The following SLC24A3 variants were observed in gnomAD, a reference collection of about 807,000 sequenced individuals.
SLC24A3 encodes solute carrier family 24 member 3, also known as sodium/potassium/calcium exchanger 3.
SLC24A3 carries 28 observed loss-of-function variants against 75.8 expected under a neutral mutation model. The ratio of observed to expected loss-of-function variants is 0.37; its 90% CI spans 0.27 to 0.51. The LOEUF (loss-of-function observed/expected upper bound fraction) is 0.51. SLC24A3 is among the 20% of genes least tolerant of loss of function. The pLI is 0.94. For synonymous variants in SLC24A3, 372 were observed against 334.1 expected (o/e 1.11, Z -1.24); for missense variants, 663 against 847.8 (o/e 0.78, Z 2.71).
intron 15 of SLC24A3, among the ~76,000 whole-genome samples, chr20:19,708,077 G>C (rs767629): frequency 0.46 from 70,142 of 151,840 alleles, 17,530 homozygotes; most frequent in South Asian, 0.64. Context: ...CAGGGACAGG[G>C]AGAATCAGAA....
intron 2 of SLC24A3, among the ~76,000 whole-genome samples, chr20:19,455,605 T>G (rs1987564897): frequency 6.6e-6 from 1 of 152,196 alleles, no homozygotes; most frequent in African/African-American, 2.4e-5. Context: ...GTATAGTAGA[T>G]AAACCCCAGC....
At chr20:19,531,249 C>T (rs2030293525) in intron 3 of SLC24A3, among the ~76,000 whole-genome samples, 1 of 152,178 alleles carries the variant, frequency 6.6e-6, no homozygotes, top group South Asian at 2.1e-4. Flanking sequence ...GTATTGAGTG[C>T]ATCAGAAGTT....
chr20:19,591,463 C>G (rs2031376386), intron 6 of SLC24A3, among the ~76,000 whole-genome samples: 2 of 151,328 alleles, frequency 1.3e-5, no homozygotes, highest in South Asian at 4.2e-4. Flanking sequence ...TCTTTTATCT[C>G]TAATCTCCTC....
intron 2 of SLC24A3, among the ~76,000 whole-genome samples, chr20:19,368,717 C>T (rs968526772): frequency 1.2e-4 from 18 of 152,210 alleles, no homozygotes; most frequent in Admixed American, 7.9e-4. Context: ...AGCCAAATGA[C>T]GCATTATTTA....
At chr20:19,333,640 TGA>T (rs1376627463) in intron 2 of SLC24A3, among the ~76,000 whole-genome samples, 60 of 150,430 alleles carry the variant, frequency 4.0e-4, no homozygotes, top group African/African-American at 1.1e-3. Flanking sequence ...TGTGTGTGTG[TGA>T]GTGTGTGTGT....
At position 19,688,323 on chromosome 20, in the gene SLC24A3, G is replaced by T. The variant is rs146923425; in HGVS notation, c.1324+2962G>T. Among the ~76,000 whole-genome samples the T allele has an allele frequency of 1.7e-3, 264 of 152,332 alleles. 2 individuals are homozygous for T. Among genetic ancestry groups the T allele is most frequent in the African/African-American group, 6.2e-3 (256 of 41,586 alleles). On this transcript the variant is annotated intron_variant, in intron 12 of 16. Transcript: ENST00000328041. ...TCAGCAATCTTCCCAGTTCTTCTAA[G>T]ATGCGGGAAAGCCTGATTCAGAGCC...
intron 2 of SLC24A3, among the ~76,000 whole-genome samples, chr20:19,350,605 T>C (rs1429157668): frequency 1.3e-5 from 2 of 152,192 alleles, no homozygotes; most frequent in African/African-American, 4.8e-5. Context: ...AATCTTGAGC[T>C]CCAGGGCACC....
rs3790179 is a variant in SLC24A3 at position 19,311,797 on chromosome 20, T to G, written c.271+30710T>G. Among the ~76,000 whole-genome samples the G allele has an allele frequency of 7.2e-5, 11 of 152,304 alleles. No homozygotes were observed. The East Asian group carries it at 2.1e-3, about 29-fold the overall frequency. On this transcript the variant is annotated intron_variant, in intron 2 of 16. Transcript: ENST00000328041. ...CCAGCAGGGAATTCATCTGCCACAC[T>G]TACTTTCCACACTCATTAAATACAT... is the stretch of plus-strand genomic sequence containing the variant.
chr20:19,713,942 C>T (rs2033016170), intron 15 of SLC24A3, among the ~76,000 whole-genome samples: 1 of 152,164 alleles, frequency 6.6e-6, no homozygotes, highest in African/African-American at 2.4e-5. Flanking sequence ...ATGCCTTAAA[C>T]CAGAGGGTTG....
intron 2 of SLC24A3, among the ~76,000 whole-genome samples, chr20:19,397,647 CTTTT>C (rs3057518): frequency 0.077 from 8,966 of 117,112 alleles, 732 homozygotes; most frequent in African/African-American, 0.25. Flanking sequence ...TTTTTCTTTT[CTTTT>C]TTTTTTTTTT....
chr20:19,390,814 A>T (rs1457915883), intron 2 of SLC24A3, among the ~76,000 whole-genome samples: 1 of 152,016 alleles, frequency 6.6e-6, no homozygotes, highest in Non-Finnish European at 1.5e-5. Flanking sequence ...ACTGACACTG[A>T]GCCTGGGGAG....
intron 1 of SLC24A3, among the ~76,000 whole-genome samples, chr20:19,227,200 C>G (rs1325557551): frequency 6.6e-6 from 1 of 152,136 alleles, no homozygotes; most frequent in African/African-American, 2.4e-5. Flanking sequence ...TTTAGTTTGC[C>G]TTCCTTCTTT....
intron 2 of SLC24A3, among the ~76,000 whole-genome samples, chr20:19,378,591 T>A (rs1986126821): frequency 6.6e-6 from 1 of 152,192 alleles, no homozygotes. Flanking sequence ...AGACACCCTG[T>A]GCTGCTGTTT....
intron 3 of SLC24A3, among the ~76,000 whole-genome samples, chr20:19,555,792 C>A (rs2030773355): frequency 6.6e-6 from 1 of 152,124 alleles, no homozygotes; most frequent in African/African-American, 2.4e-5. Flanking sequence ...CTCCCTATGA[C>A]AAATACACCA....
At chr20:19,507,345 C>T (rs1330445568) in intron 2 of SLC24A3, among the ~76,000 whole-genome samples, 1 of 152,212 alleles carries the variant, frequency 6.6e-6, no homozygotes, top group Non-Finnish European at 1.5e-5. Context: ...TGCCAAGGAG[C>T]AAGGACCATA....
intron 2 of SLC24A3, among the ~76,000 whole-genome samples, chr20:19,406,814 G>T (rs115139658): frequency 2.6e-5 from 4 of 152,166 alleles, no homozygotes; most frequent in African/African-American, 9.7e-5. Flanking sequence ...AGCACAGTGA[G>T]GTTATTTGTT....
At chr20:19,488,836 G>T (rs1321687718) in intron 2 of SLC24A3, among the ~76,000 whole-genome samples, 3 of 151,938 alleles carry the variant, frequency 2.0e-5, no homozygotes, top group Non-Finnish European at 4.4e-5. Flanking sequence ...TAATAATTTT[G>T]CACATGAAAC....
chr20:19,584,966 T>C lies in SLC24A3; in HGVS notation c.424-5T>C, dbSNP rs767416710. On this transcript the variant is annotated splice_region_variant and splice_polypyrimidine_tract_variant and intron_variant, in intron 4 of 16. Coordinates refer to ENST00000328041, the MANE Select transcript of SLC24A3 (RefSeq NM_020689.4). ...CACCTGTGCTTTGTCTTTGCTCCTC[T>C]GTAGCGCCTGCACCTCAGTGAAGAT... 5.0e-6 allele frequency: 8 copies of C among 1,612,612 alleles called. No homozygotes were observed. Among genetic ancestry groups the C allele is most frequent in the African/African-American group, 1.3e-5 (1 of 74,906 alleles).
chr20:19,459,037 A>G (rs1027587318), intron 2 of SLC24A3, among the ~76,000 whole-genome samples: 10 of 152,142 alleles, frequency 6.6e-5, no homozygotes, highest in Admixed American at 2.0e-4. Context: ...CCCCTCCAAC[A>G]TGAGCCCTGG....
Sources: gnomAD v4.1 joint callset for allele counts (sites outside exome capture counted in the v4.1 genomes callset) on GRCh38, gnomAD v4.1.1 for gene constraint, MANE v1.5 for transcripts, NCBI Gene and HGNC (gene_info 2026-07-23, HGNC 2026-07-21) for gene names.